NSFL1C: variants seen among roughly 807,000 people sequenced by gnomAD.
The protein encoded by NSFL1C is NSFL1 cofactor p47.
A neutral mutation model predicts 43.1 loss-of-function variants in NSFL1C; 14 were observed. That is an observed-to-expected ratio of 0.32 (90% confidence interval 0.21 to 0.51). The LOEUF (loss-of-function observed/expected upper bound fraction) is 0.51. NSFL1C is among the 20% of genes least tolerant of loss of function. NSFL1C has a pLI of 0.98. For missense variants in NSFL1C, 406 were observed against 472.5 expected, an observed-to-expected ratio of 0.86 and a Z score of 1.30; for synonymous variants, 171 against 183.5, an observed-to-expected ratio of 0.93 and a Z score of 0.55.
chr20:1,448,021 T>C (rs182457740), intron 7 of NSFL1C, among the ~76,000 whole-genome samples: 9 of 152,316 alleles, frequency 5.9e-5, no homozygotes, highest in African/African-American at 2.2e-4. Context: ...AGCTTTACAA[T>C]TACGATGGTT....
At chr20:1,465,518 G>C (rs2090491632) in intron 1 of NSFL1C, among the ~76,000 whole-genome samples, 1 of 152,172 alleles carries the variant, frequency 6.6e-6, no homozygotes, top group Non-Finnish European at 1.5e-5. Flanking sequence ...CCAGCATAGG[G>C]GCTTCCCATT....
At chr20:1,466,638 C>T (rs2090519615) in intron 1 of NSFL1C, 82 bp downstream of exon 1, 2 of 1,340,026 alleles carry the variant, frequency 1.5e-6, no homozygotes, top group East Asian at 2.7e-5. Context: ...CTGTGCGCTT[C>T]GGCCGCCGCG....
intron 5 of NSFL1C, 125 bp from the exon 6 acceptor site, chr20:1,453,265 T>C (rs2090222506): frequency 3.1e-6 from 2 of 642,738 alleles, no homozygotes; most frequent in East Asian, 2.7e-5. Flanking sequence ...GAGACACACA[T>C]ATATACATGT....
At chr20:1,447,661 C>T (rs1449310243) in intron 7 of NSFL1C, among the ~76,000 whole-genome samples, 2 of 152,156 alleles carry the variant, frequency 1.3e-5, no homozygotes, top group African/African-American at 4.8e-5. Context: ...TCAAAGTATA[C>T]GTACTCATTG....
intron 3 of NSFL1C, chr20:1,456,897 T>C (rs560541050): frequency 6.6e-6 from 1 of 152,348 alleles, no homozygotes; most frequent in African/African-American, 2.4e-5. Flanking sequence ...TTATAGCATA[T>C]GAAAAGGCAT....
At chr20:1,449,220 A>T (rs2090134450) in intron 7 of NSFL1C, among the ~76,000 whole-genome samples, 1 of 151,944 alleles carries the variant, frequency 6.6e-6, no homozygotes, top group Non-Finnish European at 1.5e-5. Context: ...GCGCTTAGCT[A>T]ACAACATAAA....
At chr20:1,457,069 T>C (rs962969299) in intron 3 of NSFL1C, 2 of 152,216 alleles carry the variant, frequency 1.3e-5, no homozygotes, top group African/African-American at 4.8e-5. Flanking sequence ...TACTAGTCTG[T>C]AGTTTCCATA....
chr20:1,457,076 C>G (rs1468812586), intron 3 of NSFL1C: 1 of 152,122 alleles, frequency 6.6e-6, no homozygotes, highest in East Asian at 1.9e-4. Context: ...CTGTAGTTTC[C>G]ATAATGGATA....
chr20:1,461,073 GCA>G (rs1395914961), intron 2 of NSFL1C, among the ~76,000 whole-genome samples: 1 of 152,200 alleles, frequency 6.6e-6, no homozygotes, highest in Non-Finnish European at 1.5e-5. Context: ...GAAATGGTAA[GCA>G]CCTTACCTAT....
chr20:1,462,466 CTT>C (rs1351768212), intron 2 of NSFL1C, among the ~76,000 whole-genome samples: 1 of 152,000 alleles, frequency 6.6e-6, no homozygotes, highest in African/African-American at 2.4e-5. Context: ...TGCGTCCAGT[CTT>C]TTTACTCACT....
At chr20:1,445,943 GCTGCTGATCTATTGA>G in intron 7 of NSFL1C, 113 bp from the exon 8 acceptor site, 1 of 1,155,588 alleles carries the variant, frequency 8.7e-7, no homozygotes, top group South Asian at 1.4e-5. Context: ...ATTGTTTGGT[GCTGCTGATCTATTGA>G]CCCAGACAGG....
chr20:1,446,904 G>A (rs1000452025), intron 7 of NSFL1C, among the ~76,000 whole-genome samples: 4 of 152,182 alleles, frequency 2.6e-5, no homozygotes, highest in Non-Finnish European at 4.4e-5. Context: ...GGTACTGAGA[G>A]CAAATCCAAC....
At chr20:1,457,247 G>A (rs2090321432) in intron 3 of NSFL1C, among the ~76,000 whole-genome samples, 1 of 152,028 alleles carries the variant, frequency 6.6e-6, no homozygotes, top group Non-Finnish European at 1.5e-5. Flanking sequence ...ATGGATACCT[G>A]GTTACGTATG....
chr20:1,449,516 A>G (rs577497800), intron 7 of NSFL1C, among the ~76,000 whole-genome samples: 3 of 152,338 alleles, frequency 2.0e-5, no homozygotes, highest in African/African-American at 4.8e-5. Flanking sequence ...AGCCACACGC[A>G]TCTGTTCAAA....
At chr20:1,455,844 C>G in intron 3 of NSFL1C, 1 of 741,370 alleles carries the variant, frequency 1.3e-6, no homozygotes, top group Non-Finnish European at 2.5e-6. Context: ...CCTCACCTTG[C>G]CATTCATGTG....
At position 1,466,806 on chromosome 20, in the gene NSFL1C, C is replaced by G. The variant is rs1425554993; in HGVS notation, c.19G>C (p.Glu7Gln). MAAERQEALREFVAVTG... is the reference protein window; with the variant it reads MAAERQQALREFVAVTG... ...ACCGCCACGAACTCCCTCAGCGCCT[C>G]CTGTCGCTCCGCCGCCATCTTCGCC... Residue 7 changes from glutamate to glutamine, a missense_variant, in exon 1 of 9, where the codon GAG becomes CAG. Physicochemically the swap from Glu to Gln is conservative, Grantham distance 29. Transcript: ENST00000216879. 2 of 1,548,788 alleles carry G rather than the reference C, an allele frequency of 1.3e-6. No homozygotes were observed. Among genetic ancestry groups the G allele is most frequent in the East Asian group, 2.5e-5 (1 of 39,938 alleles).
chr20:1,460,223 T>C (rs961503356), intron 2 of NSFL1C, among the ~76,000 whole-genome samples: 2 of 152,186 alleles, frequency 1.3e-5, no homozygotes, highest in African/African-American at 4.8e-5. Flanking sequence ...TGTGGCACAT[T>C]TAAGTACTAC....
chr20:1,452,354 T>G (rs2090198097), intron 7 of NSFL1C, 139 bp downstream of exon 7: 2 of 1,163,976 alleles, frequency 1.7e-6, no homozygotes, highest in Admixed American at 2.3e-5. Context: ...TTCTCCACAC[T>G]CTTCCTCCCA....
Position 1,443,898 on chromosome 20 carries a change from G to T in NSFL1C, c.964C>A (p.Arg322=). ...FNHSHRISDI[R]LFIVDARPAM... is the part of the protein sequence containing the mutation. ...GGCCGGGCATCCACGATGAAGAGTCGGATGTCGCTGATCCTGCAGGAGTTG... is the reference window on the plus strand; with the variant it reads ...GGCCGGGCATCCACGATGAAGAGTCTGATGTCGCTGATCCTGCAGGAGTTG... Residue 322 remains arginine (R), a synonymous_variant, in exon 9 of 9, where the codon CGA becomes AGA. Coordinates refer to ENST00000216879, the MANE Select transcript of NSFL1C (RefSeq NM_016143.5). 6.2e-7 allele frequency: 1 copy of T among 1,611,302 alleles called. No individual in the cohort carries two copies. Among genetic ancestry groups the T allele is most frequent in the African/African-American group, 1.3e-5 (1 of 75,040 alleles).
Sources: gnomAD v4.1 joint callset for allele counts (sites outside exome capture counted in the v4.1 genomes callset) on GRCh38, gnomAD v4.1.1 for gene constraint, MANE v1.5 for transcripts, NCBI Gene and HGNC (gene_info 2026-07-23, HGNC 2026-07-21) for gene names.